Variants in SORCS1 observed in about 807,000 individuals in gnomAD.
The protein encoded by SORCS1 is VPS10 domain-containing receptor SorCS1.
A neutral mutation model predicts 146.1 loss-of-function variants in SORCS1; 60 were observed. That is an observed-to-expected ratio of 0.41 (90% confidence interval 0.33 to 0.51). The LOEUF is 0.51. Among genes scored for constraint, SORCS1 ranks in the 20% least tolerant of loss-of-function variants. The pLI is 0.21. For synonymous variants in SORCS1, 637 were observed against 584.0 expected, an observed-to-expected ratio of 1.09 and a Z score of -1.31; for missense variants, 1,352 against 1,487.6, an observed-to-expected ratio of 0.91 and a Z score of 1.50.
chr10:107,014,246 C>A (rs370059294), intron 1 of SORCS1, among the ~76,000 whole-genome samples: 1 of 130,944 alleles, frequency 7.6e-6, no homozygotes, highest in Non-Finnish European at 1.6e-5. Flanking sequence ...AGAGGGAGAC[C>A]CTGCGTCAAA....
At chr10:107,129,870 T>C (rs1241098147) in intron 1 of SORCS1, among the ~76,000 whole-genome samples, 1 of 152,212 alleles carries the variant, frequency 6.6e-6, no homozygotes, top group African/African-American at 2.4e-5. Flanking sequence ...ATCATTTCCT[T>C]AACTTCACAA....
intron 1 of SORCS1, among the ~76,000 whole-genome samples, chr10:107,124,791 C>T (rs974145631): frequency 6.6e-6 from 1 of 151,992 alleles, no homozygotes; most frequent in Non-Finnish European, 1.5e-5. Context: ...GTGTATGAAA[C>T]GTGTAATTTT....
intron 5 of SORCS1, among the ~76,000 whole-genome samples, chr10:106,744,400 C>T (rs949778987): frequency 2.6e-5 from 4 of 152,238 alleles, no homozygotes; most frequent in African/African-American, 4.8e-5. Flanking sequence ...CCACCGTGCC[C>T]GGCCATCATG....
At chr10:107,147,390 T>C (rs598846) in intron 1 of SORCS1, among the ~76,000 whole-genome samples, 18,515 of 152,082 alleles carry the variant, frequency 0.12, 1,630 homozygotes, top group East Asian at 0.33. Flanking sequence ...GCCCATCCTA[T>C]CCACTGGAGC....
intron 1 of SORCS1, among the ~76,000 whole-genome samples, chr10:106,985,495 A>C (rs1956429939): frequency 6.6e-6 from 1 of 152,140 alleles, no homozygotes; most frequent in Non-Finnish European, 1.5e-5. Flanking sequence ...GCTATGTTCA[A>C]GACAACACGT....
chr10:107,008,225 A>G (rs7904158), intron 1 of SORCS1, among the ~76,000 whole-genome samples: 22,812 of 152,120 alleles, frequency 0.15, 5,620 homozygotes, highest in African/African-American at 0.52. Flanking sequence ...AAAGCCACTC[A>G]AAAAGACAGT....
At chr10:106,648,327 T>C (rs932425598) in intron 18 of SORCS1, among the ~76,000 whole-genome samples, 2 of 152,350 alleles carry the variant, frequency 1.3e-5, no homozygotes, top group East Asian at 1.9e-4. Flanking sequence ...ACTCTAGATA[T>C]TGAAGCACAC....
chr10:106,978,853 G>A (rs1461931645), intron 1 of SORCS1, among the ~76,000 whole-genome samples: 1 of 151,414 alleles, frequency 6.6e-6, no homozygotes, highest in Non-Finnish European at 1.5e-5. Flanking sequence ...ACCACAAGAT[G>A]TTTGTCATTA....
In SORCS1 at chr10:107,004,003, G is replaced by A. The variant is rs573156441; in HGVS notation, c.559-47423C>T. Among the ~76,000 whole-genome samples the A allele has an allele frequency of 5.4e-4, 82 of 151,770 alleles. 1 individual carries two copies. In the South Asian group the frequency reaches 0.015, roughly 27 times the overall value. ...ATCCTGGCTAACACGGTGAAACCCCGTCTCTACTAAAAATACAAAAAATTA... is the reference window on the plus strand; with the variant it reads ...ATCCTGGCTAACACGGTGAAACCCCATCTCTACTAAAAATACAAAAAATTA... On this transcript the variant is annotated intron_variant, in intron 1 of 25. Transcript: ENST00000263054.
chr10:106,660,231 T>C (rs1225500961), intron 17 of SORCS1, among the ~76,000 whole-genome samples: 2 of 152,142 alleles, frequency 1.3e-5, no homozygotes, highest in Non-Finnish European at 2.9e-5. Context: ...AATCTAAGTG[T>C]TTTATGGCTT....
At chr10:106,864,253 A>T (rs943508211) in intron 2 of SORCS1, among the ~76,000 whole-genome samples, 6 of 152,194 alleles carry the variant, frequency 3.9e-5, no homozygotes, top group African/African-American at 1.4e-4. Context: ...CGGAGAACAG[A>T]GAAAAGCAAG....
chr10:106,696,850 A>C (rs1853742011), intron 9 of SORCS1, among the ~76,000 whole-genome samples: 1 of 152,256 alleles, frequency 6.6e-6, no homozygotes, highest in African/African-American at 2.4e-5. Flanking sequence ...TATTTCTGGC[A>C]GTAAACAAAA....
chr10:107,051,805 G>A (rs770788061), intron 1 of SORCS1, among the ~76,000 whole-genome samples: 4 of 152,102 alleles, frequency 2.6e-5, no homozygotes, highest in Non-Finnish European at 4.4e-5. Context: ...TTTAAGACAC[G>A]CTAATTCATG....
intron 1 of SORCS1, among the ~76,000 whole-genome samples, chr10:107,068,891 C>A (rs566456070): frequency 8.9e-5 from 13 of 146,168 alleles, no homozygotes; most frequent in Admixed American, 2.0e-4. Flanking sequence ...AAAAAGGAAA[C>A]CTCACCATGA....
At chr10:106,594,684 T>C (rs1845804281) in intron 24 of SORCS1, among the ~76,000 whole-genome samples, 2 of 152,216 alleles carry the variant, frequency 1.3e-5, no homozygotes, top group Admixed American at 1.3e-4. Flanking sequence ...AAAAAGGCAC[T>C]GTGTTCGGAT....
chr10:106,829,272 CT>C (rs1176758421), intron 3 of SORCS1, among the ~76,000 whole-genome samples: 1 of 152,188 alleles, frequency 6.6e-6, no homozygotes, highest in Non-Finnish European at 1.5e-5. Flanking sequence ...TCTGACTCTT[CT>C]GATTGACTGG....
At chr10:107,072,524 C>T (rs56968552) in intron 1 of SORCS1, among the ~76,000 whole-genome samples, 3,319 of 151,968 alleles carry the variant, frequency 0.022, 103 homozygotes, top group African/African-American at 0.075. Flanking sequence ...AACACAAATT[C>T]CCTGCTCTCT....
intron 1 of SORCS1, among the ~76,000 whole-genome samples, chr10:107,013,791 A>G (rs1266965321): frequency 2.2e-4 from 33 of 152,292 alleles, no homozygotes; most frequent in Non-Finnish European, 1.6e-4. Context: ...ACAAGGATAC[A>G]GAACCAGGTT....
Position 106,675,163 on chromosome 10 carries a change from A to G in SORCS1, c.1833-7T>C. 1 of 1,595,628 alleles carries G rather than the reference A, an allele frequency of 6.3e-7. No homozygotes were observed. The highest frequency in any genetic ancestry group is 1.1e-5 in the South Asian group (1 of 90,064). On this transcript the variant is annotated splice_polypyrimidine_tract_variant and splice_region_variant and intron_variant, in intron 13 of 25. Coordinates refer to ENST00000263054, the MANE Select transcript of SORCS1 (RefSeq NM_052918.5). ...CCCTTCATCAAAACTCAACCTAATG[A>G]TATAAAAAATATCAGTCATCAGATC...
Sources: allele counts gnomAD v4.1 joint callset (sites outside exome capture counted in the v4.1 genomes callset), GRCh38; gene constraint gnomAD v4.1.1; transcripts MANE v1.5; gene names NCBI Gene and HGNC (gene_info 2026-07-23, HGNC 2026-07-21).